Variants in BRCC3 observed in about 807,000 individuals in gnomAD.
The protein encoded by BRCC3 is lys-63-specific deubiquitinase BRCC36.
A neutral mutation model predicts 28.0 loss-of-function variants in BRCC3; 15 were observed. That is an observed-to-expected ratio of 0.54 (90% CI 0.36 to 0.82). BRCC3 has a LOEUF of 0.82. BRCC3 is among the 40% of genes least tolerant of loss of function. BRCC3 has a pLI of 0.01. For synonymous variants in BRCC3, 66 were observed against 80.3 expected (o/e 0.82, Z 0.95); for missense variants, 109 against 225.9 (o/e 0.48, Z 3.32).
chrX:155,076,788 A>C (rs1557293701), intron 3 of BRCC3, among the ~76,000 whole-genome samples: 1 of 111,859 alleles, frequency 8.9e-6, no homozygotes, highest in Non-Finnish European at 1.9e-5. Flanking sequence ...ACATTATCTT[A>C]GTGGAGTTTC....
At chrX:155,072,837 C>T (rs916128597) in intron 2 of BRCC3, among the ~76,000 whole-genome samples, 3 of 110,556 alleles carry the variant, frequency 2.7e-5, no homozygotes, top group African/African-American at 6.6e-5. Context: ...GAATTTCAGG[C>T]GTGAGCCACC....
At chrX:155,097,698 AATGGT>A (rs2074219492) in intron 7 of BRCC3, among the ~76,000 whole-genome samples, 1 of 112,610 alleles carries the variant, frequency 8.9e-6, no homozygotes, top group Non-Finnish European at 1.9e-5. Flanking sequence ...CACTGTGGAA[AATGGT>A]ATGGTAGTTT....
At chrX:155,075,886 A>C (rs1349783782) in intron 3 of BRCC3, among the ~76,000 whole-genome samples, 1 of 112,130 alleles carries the variant, frequency 8.9e-6, no homozygotes, top group African/African-American at 3.2e-5. Context: ...CAGTTGGGTA[A>C]GTTGTCTCCC....
intron 7 of BRCC3, 45 bp downstream of exon 7, chrX:155,090,884 C>T: frequency 2.2e-6 from 2 of 920,345 alleles, no homozygotes; most frequent in South Asian, 2.1e-5. Context: ...GGCTAATCTC[C>T]AATTCAGAGA....
chrX:155,083,689 A>C (rs1325330303), intron 5 of BRCC3, among the ~76,000 whole-genome samples: 2 of 112,467 alleles, frequency 1.8e-5, no homozygotes, highest in Non-Finnish European at 3.8e-5. Context: ...CATACTTCAC[A>C]TTGAGGAAAA....
rs145530234 is a variant in BRCC3, at chrX:155,113,400, A to G, written c.549-2657A>G. ...AGGATACCAACACCACTAAATGGGA[A>G]AAAGACAGTCTCTTTAATAAATGAT... is the stretch of plus-strand genomic sequence containing the variant. On this transcript the variant is annotated intron_variant, in intron 7 of 10. Coordinates refer to ENST00000330045, the MANE Select transcript of BRCC3 (RefSeq NM_001018055.3). 3.5e-3 allele frequency among the ~76,000 whole-genome samples: 387 copies of G among 110,433 alleles called. 1 individual carries two copies. Among genetic ancestry groups the G allele is most frequent in the African/African-American group, 0.012 (364 of 30,389 alleles).
chrX:155,120,178 T>A lies in BRCC3; in HGVS notation c.*18+10T>A, dbSNP rs2074381010. On this transcript the variant is annotated intron_variant, in intron 10 of 10. Transcript: ENST00000330045. ...CAGGAGACAAAATGGGGTAAAAAAC[T>A]TCTTTTTCAATTTGTGTACTAAACA... The A allele has an allele frequency of 4.3e-6, 5 of 1,169,639 alleles. No homozygotes were observed. The highest frequency in any genetic ancestry group is 5.8e-6 in the Non-Finnish European group (5 of 860,845).
intron 7 of BRCC3, among the ~76,000 whole-genome samples, chrX:155,105,273 A>G (rs2074273000): frequency 9.0e-6 from 1 of 111,545 alleles, no homozygotes; most frequent in South Asian, 3.8e-4. Context: ...ACTTGAGGTC[A>G]GGAGTTCGAG....
chrX:155,076,553 G>A lies in BRCC3; in HGVS notation c.196-617G>A, dbSNP rs140463597. On this transcript the variant is annotated intron_variant, in intron 3 of 10. Transcript: ENST00000330045. Reference sequence around the variant, plus strand: ...GCAAGGCATATCTTACATGGTGGTAGGAGAGAGAGAGAGTGAGGGGGGAAG... The same window carrying A: ...GCAAGGCATATCTTACATGGTGGTAAGAGAGAGAGAGAGTGAGGGGGGAAG... 5.8e-3 allele frequency among the ~76,000 whole-genome samples: 645 copies of A among 110,804 alleles called. 5 individuals carry two copies. The highest frequency in any genetic ancestry group is 9.6e-3 in the Non-Finnish European group (507 of 52,807).
At position 155,109,197 on chromosome X, in the gene BRCC3, C is replaced by T. The variant is rs192505668; in HGVS notation, c.549-6860C>T. Among the ~76,000 whole-genome samples, 174 of 112,078 alleles carry T rather than the reference C, an allele frequency of 1.6e-3. 4 individuals are homozygous for T. Among genetic ancestry groups the T allele is most frequent in the Admixed American group, 0.015 (155 of 10,575 alleles). ...TGTGTCTATCCTTGTGTCAGTAACA[C>T]ACTTAGTTGCTGTAGCTTTATAATA... On this transcript the variant is annotated intron_variant, in intron 7 of 10. Coordinates refer to ENST00000330045, the MANE Select transcript of BRCC3 (RefSeq NM_001018055.3).
chrX:155,114,559 G>T (rs895926385), intron 7 of BRCC3, among the ~76,000 whole-genome samples: 11 of 108,901 alleles, frequency 1.0e-4, no homozygotes, highest in African/African-American at 3.0e-4. Context: ...ATGGTTGATA[G>T]TAAATTTTAT....
chrX:155,107,990 T>C (rs1265996527), intron 7 of BRCC3, among the ~76,000 whole-genome samples: 3 of 111,711 alleles, frequency 2.7e-5, no homozygotes, highest in Non-Finnish European at 5.7e-5. Context: ...TGAAAACACC[T>C]ATGCAACCAC....
chrX:155,113,566 C>A (rs1557298384), intron 7 of BRCC3, among the ~76,000 whole-genome samples: 1 of 111,596 alleles, frequency 9.0e-6, no homozygotes. Flanking sequence ...GAAAAAGCTT[C>A]ATGACATTGG....
intron 2 of BRCC3, 32 bp from the exon 3 acceptor site, chrX:155,073,345 T>C (rs782348088): frequency 3.5e-6 from 4 of 1,147,405 alleles, no homozygotes; most frequent in South Asian, 2.0e-5. Flanking sequence ...AAACCCCACT[T>C]CCTTTTTTTT....
At chrX:155,091,517 C>A (rs1557295659) in intron 7 of BRCC3, among the ~76,000 whole-genome samples, 1 of 111,144 alleles carries the variant, frequency 9.0e-6, no homozygotes, top group Non-Finnish European at 1.9e-5. Context: ...GGTGATCCGC[C>A]TGCCTCGGCC....
chrX:155,086,784 A>C (rs1291985031), intron 5 of BRCC3, among the ~76,000 whole-genome samples: 1 of 111,877 alleles, frequency 8.9e-6, no homozygotes, highest in East Asian at 2.8e-4. Flanking sequence ...GGTTCACTCC[A>C]CTTTATATAG....
Position 155,118,932 on chromosome X carries a change from G to A in BRCC3, c.725-1067G>A, listed in dbSNP as rs782272002. 2.7e-5 allele frequency among the ~76,000 whole-genome samples: 3 copies of A among 111,395 alleles called. No homozygotes were observed. The South Asian group carries it at 1.1e-3, about 42-fold the overall frequency. On this transcript the variant is annotated intron_variant, in intron 9 of 10. Coordinates refer to ENST00000330045, the MANE Select transcript of BRCC3 (RefSeq NM_001018055.3). ...TTTAAATTGGTTCATTTTACTGTCT[G>A]TAAATTACACCCCCAAAAGCTCATT...
chrX:155,103,845 T>C (rs1446652632), intron 7 of BRCC3, among the ~76,000 whole-genome samples: 1 of 111,617 alleles, frequency 9.0e-6, no homozygotes, highest in African/African-American at 3.3e-5. Context: ...TCAGTCTTTT[T>C]TTTTTCTATC....
rs1187590354 is a variant in BRCC3, at chrX:155,121,615, A to C, written c.*411A>C. On this transcript the variant is annotated 3_prime_UTR_variant, in exon 11 of 11. Coordinates refer to ENST00000330045, the MANE Select transcript of BRCC3 (RefSeq NM_001018055.3). Reference sequence around the variant, plus strand: ...TGATACATAAAACTAGATAACTTTGAAAAAAGCCACAGGAGAAAAATCTTC... The same window carrying C: ...TGATACATAAAACTAGATAACTTTGCAAAAAGCCACAGGAGAAAAATCTTC... 8.9e-6 allele frequency: 1 copy of C among 112,456 alleles called. No individual in the cohort carries two copies. Among genetic ancestry groups the C allele is most frequent in the Non-Finnish European group, 1.9e-5 (1 of 53,311 alleles). 9.3% of individuals were successfully genotyped at this position (112,456 alleles called of 1,213,427 possible).
Sources: allele counts gnomAD v4.1 joint callset (sites outside exome capture counted in the v4.1 genomes callset), GRCh38; gene constraint gnomAD v4.1.1; transcripts MANE v1.5; gene names NCBI Gene and HGNC (gene_info 2026-07-23, HGNC 2026-07-21).